BLTP2: variants seen among roughly 807,000 people sequenced by gnomAD.
BLTP2 encodes the protein bridge-like lipid transfer protein family member 2.
At chr17:28,637,410 C>G in the BLTP2 span, among the ~76,000 whole-genome samples, 1 of 152,186 alleles carries the variant, frequency 6.6e-6, no homozygotes, top group Non-Finnish European at 1.5e-5. Context: ...CTCTCTAGAA[C>G]TAAACACACA....
At chr17:28,621,218 A>G in the BLTP2 span, 7 of 1,577,258 alleles carry the variant, frequency 4.4e-6, no homozygotes, top group African/African-American at 9.4e-5. Context: ...CTCAATAAAG[A>G]TAATGTGAGA....
chr17:28,643,457 T>C, the BLTP2 span: 14 of 1,353,564 alleles, frequency 1.0e-5, no homozygotes, highest in Non-Finnish European at 1.4e-5. Context: ...AATATCTTCC[T>C]CACAACACAA....
chr17:28,643,496 G>C, the BLTP2 span: 1 of 1,366,890 alleles, frequency 7.3e-7, no homozygotes, highest in Admixed American at 1.7e-5. Flanking sequence ...GAAGACTTCA[G>C]CAACAACCTC....
At chr17:28,638,328 T>C in the BLTP2 span, 1 of 1,613,892 alleles carries the variant, frequency 6.2e-7, no homozygotes, top group Admixed American at 1.7e-5. Context: ...CCGCTGAATG[T>C]GGGAGTCACT....
chr17:28,629,084 ATT>A, the BLTP2 span, among the ~76,000 whole-genome samples: 10 of 150,392 alleles, frequency 6.6e-5, no homozygotes, highest in African/African-American at 2.2e-4. Flanking sequence ...TTCCTCTAAA[ATT>A]TTTTTTTTAA....
the BLTP2 span, chr17:28,628,166 A>G: frequency 2.0e-6 from 2 of 1,011,672 alleles, no homozygotes; most frequent in Admixed American, 4.5e-5. Context: ...TTCTTTACCT[A>G]GATAGAAGCA....
At chr17:28,641,490 A>AT in the BLTP2 span, among the ~76,000 whole-genome samples, 15 of 151,908 alleles carry the variant, frequency 9.9e-5, no homozygotes, top group Non-Finnish European at 1.6e-4. Context: ...AAATACAAAA[A>AT]TTAGCCAGGC....
the BLTP2 span, chr17:28,619,986 C>T: frequency 2.5e-6 from 4 of 1,613,844 alleles, no homozygotes; most frequent in South Asian, 4.4e-5. Flanking sequence ...CAAGCTGGAA[C>T]CTGACCCGTT....
At chr17:28,620,424 G>T in the BLTP2 span, 1 of 1,497,712 alleles carries the variant, frequency 6.7e-7, no homozygotes, top group Non-Finnish European at 9.1e-7. Flanking sequence ...GTGAAGCATG[G>T]CTTTTGTTAC....
chr17:28,644,035 A>G, the BLTP2 span: 1 of 1,613,476 alleles, frequency 6.2e-7, no homozygotes, highest in Non-Finnish European at 8.5e-7. Context: ...CTACACACAT[A>G]TCCAGAGTTT....
chr17:28,627,912 C>T, the BLTP2 span, among the ~76,000 whole-genome samples: 3 of 152,120 alleles, frequency 2.0e-5, no homozygotes, highest in Non-Finnish European at 4.4e-5. Flanking sequence ...CCACCCACCT[C>T]GGCCTCCAAA....
chr17:28,632,823 G>C, the BLTP2 span: 2 of 700,582 alleles, frequency 2.9e-6, no homozygotes, highest in Non-Finnish European at 4.5e-6. Flanking sequence ...TCCTAACCTA[G>C]ATTCTCCCTT....
At chr17:28,617,645 A>C in the BLTP2 span, among the ~76,000 whole-genome samples, 1 of 152,266 alleles carries the variant, frequency 6.6e-6, no homozygotes, top group Non-Finnish European at 1.5e-5. Context: ...TGTCAGTATT[A>C]GAATATTCTA....
At chr17:28,632,530 C>G in the BLTP2 span, among the ~76,000 whole-genome samples, 1 of 151,982 alleles carries the variant, frequency 6.6e-6, no homozygotes, top group African/African-American at 2.4e-5. Flanking sequence ...GACGGTGGAG[C>G]CTTCATGAAT....
chr17:28,640,067 C>G, the BLTP2 span: 1 of 1,604,076 alleles, frequency 6.2e-7, no homozygotes. Context: ...TGTGGAATGC[C>G]ATTCCTACTT....
chr17:28,637,008 G>A, the BLTP2 span: 1 of 1,614,222 alleles, frequency 6.2e-7, no homozygotes, highest in Non-Finnish European at 8.5e-7. Context: ...GGAGAGCATG[G>A]AAAGGCTGAG....
chr17:28,635,356 A>G, the BLTP2 span: 1 of 1,614,244 alleles, frequency 6.2e-7, no homozygotes, highest in Admixed American at 1.7e-5. Flanking sequence ...GTCCTCAGCT[A>G]CAAAAGCTGT....
the BLTP2 span, chr17:28,632,850 C>A: frequency 1.0e-6 from 1 of 981,648 alleles, no homozygotes; most frequent in Non-Finnish European, 1.4e-6. Flanking sequence ...CTCCCCTCCC[C>A]TCCCCTCCCC....
At chr17:28,621,291 G>T in the BLTP2 span, 1 of 1,418,354 alleles carries the variant, frequency 7.1e-7, no homozygotes, top group South Asian at 1.2e-5. Context: ...AGCACAAAAT[G>T]GTCCTACTCC....
Sources: gnomAD v4.1 joint callset for allele counts (sites outside exome capture counted in the v4.1 genomes callset) on GRCh38, gnomAD v4.1.1 for gene constraint, MANE v1.5 for transcripts, NCBI Gene and HGNC (gene_info 2026-07-23, HGNC 2026-07-21) for gene names.